The following CLDN10 variants were observed in gnomAD, a reference collection of about 807,000 sequenced individuals.
The protein encoded by CLDN10 is claudin-10.
A neutral mutation model predicts 22.9 loss-of-function variants in CLDN10; 15 were observed. That is an observed-to-expected ratio of 0.65 (90% CI 0.44 to 1.01). The LOEUF is 1.01. Ranked by LOEUF, CLDN10 falls within the 50% of genes least tolerant of loss-of-function variation. The probability of loss-of-function intolerance (pLI) is 0.00; values close to 1 mark genes in which losing one functional copy is unlikely to be tolerated. For missense variants in CLDN10, 247 were observed against 287.8 expected, an observed-to-expected ratio of 0.86 and a Z score of 1.03; for synonymous variants, 114 against 111.4, an observed-to-expected ratio of 1.02 and a Z score of -0.15.
Position 95,552,957 on chromosome 13 carries a change from C to CAAGG in CLDN10, c.205_206insAGGA (p.Met69LysfsTer13), listed in dbSNP as rs1453085067. 6.2e-7 allele frequency: 1 copy of CAAGG among 1,614,000 alleles called. No individual in the cohort carries two copies. ...TCTCCAACTGCAAGGACTTCCCCTC[C>CAAGG]ATGCTGGCGCTGGACGGTCTGCATC... On this transcript the variant is annotated frameshift_variant, in exon 1 of 5. Coordinates refer to ENST00000299339, the MANE Select transcript of CLDN10 (RefSeq NM_006984.5). LOFTEE classifies it high-confidence loss of function.
intron 1 of CLDN10, among the ~76,000 whole-genome samples, chr13:95,464,210 G>T (rs183930173): frequency 1.3e-5 from 2 of 151,798 alleles, no homozygotes; most frequent in East Asian, 3.9e-4. Flanking sequence ...CCATTAACTC[G>T]TCATTTACAT....
At chr13:95,534,711 A>T (rs186175960) in intron 1 of CLDN10, among the ~76,000 whole-genome samples, 12 of 152,266 alleles carry the variant, frequency 7.9e-5, no homozygotes, top group Non-Finnish European at 1.3e-4. Context: ...TGGATCATTT[A>T]AAAAAAGGGG....
intron 1 of CLDN10, among the ~76,000 whole-genome samples, chr13:95,510,967 G>A (rs1366231626): frequency 3.3e-5 from 5 of 152,048 alleles, no homozygotes; most frequent in Admixed American, 1.3e-4. Context: ...TCAGGGTGTT[G>A]GAAACGCTCT....
intron 1 of CLDN10, among the ~76,000 whole-genome samples, chr13:95,454,936 C>T (rs1248258813): frequency 1.3e-5 from 2 of 152,184 alleles, no homozygotes; most frequent in Non-Finnish European, 2.9e-5. Flanking sequence ...CCTACAATCC[C>T]AGCACTTTGG....
intron 1 of CLDN10, among the ~76,000 whole-genome samples, chr13:95,472,394 G>A (rs1296694521): frequency 6.6e-6 from 1 of 152,088 alleles, no homozygotes; most frequent in Non-Finnish European, 1.5e-5. Flanking sequence ...AAAATATAGT[G>A]CGATAGGCCA....
intron 3 of CLDN10, 41 bp from the exon 4 acceptor site, chr13:95,577,190 A>C: frequency 1.5e-6 from 2 of 1,364,704 alleles, no homozygotes; most frequent in Non-Finnish European, 2.1e-6. Context: ...TTTACTCTCC[A>C]AATAAGTGAG....
intron 1 of CLDN10, among the ~76,000 whole-genome samples, chr13:95,507,709 T>C (rs2043053083): frequency 6.6e-6 from 1 of 151,980 alleles, no homozygotes; most frequent in African/African-American, 2.4e-5. Context: ...CCACAACCTC[T>C]GCCTCCTGGG....
Position 95,578,025 on chromosome 13 carries a change from T to TCGCG in CLDN10, c.*11_*12insCGCG, listed in dbSNP as rs1566348967. The TCGCG allele has an allele frequency of 7.9e-6, 12 of 1,513,450 alleles. No individual in the cohort carries two copies. Among genetic ancestry groups the TCGCG allele is most frequent in the Non-Finnish European group, 1.0e-5 (11 of 1,092,004 alleles). 93.8% of individuals were successfully genotyped at this position (1,513,450 alleles called of 1,614,324 possible). A position where few individuals can be genotyped will look rare whatever the true frequency, so the allele number is the denominator to read the frequency against. On this transcript the variant is annotated 3_prime_UTR_variant, in exon 5 of 5. Transcript: ENST00000299339. ...AATGCTTATGTCTAAAAGAGCTCGC[T>TCGCG]GGCAAGCTGCCTCTTGAGTTTGTTA...
At chr13:95,448,718 A>G (rs559925505) in intron 1 of CLDN10, among the ~76,000 whole-genome samples, 190 of 80,356 alleles carry the variant, frequency 2.4e-3, no homozygotes, top group African/African-American at 7.9e-3. Context: ...ACTAAGCCAT[A>G]GTATTTTATT....
At chr13:95,568,705 T>G (rs1259848176) in intron 3 of CLDN10, among the ~76,000 whole-genome samples, 1 of 152,182 alleles carries the variant, frequency 6.6e-6, no homozygotes, top group Non-Finnish European at 1.5e-5. Context: ...GTTACTCACT[T>G]TGGAATCTCT....
intron 1 of CLDN10, among the ~76,000 whole-genome samples, chr13:95,447,129 T>A (rs1028499580): frequency 6.6e-6 from 1 of 152,234 alleles, no homozygotes; most frequent in African/African-American, 2.4e-5. Flanking sequence ...ACTGGGAGGC[T>A]GATTTTCTCC....
At chr13:95,442,502 C>T (rs911404731) in intron 1 of CLDN10, among the ~76,000 whole-genome samples, 3 of 152,164 alleles carry the variant, frequency 2.0e-5, no homozygotes, top group Admixed American at 6.6e-5. Flanking sequence ...GCAAGACCAC[C>T]TTGCATTTCG....
Position 95,466,281 on chromosome 13 carries a change from ATGT to A in CLDN10, c.214+32241_214+32243del, listed in dbSNP as rs375856408. Among the ~76,000 whole-genome samples the A allele has an allele frequency of 3.5e-3, 534 of 150,996 alleles. 1 individual carries two copies. Among genetic ancestry groups the A allele is most frequent in the African/African-American group, 0.012 (484 of 41,134 alleles). On this transcript the variant is annotated intron_variant, in intron 1 of 4. Coordinates refer to the CLDN10 transcript ENST00000376873. ...GTTTTCTTTTTCTTTCTTTTTTTTG[ATGT>A]TGTTGTCTGCTTTTGGTGTTGGGGT...
At chr13:95,496,593 T>G (rs1056827763) in intron 1 of CLDN10, among the ~76,000 whole-genome samples, 1 of 152,190 alleles carries the variant, frequency 6.6e-6, no homozygotes, top group Non-Finnish European at 1.5e-5. Context: ...GCCGGCAGAT[T>G]GAGTTCCTGG....
At chr13:95,446,839 C>G (rs949280810) in intron 1 of CLDN10, among the ~76,000 whole-genome samples, 1 of 150,606 alleles carries the variant, frequency 6.6e-6, no homozygotes, top group Non-Finnish European at 1.5e-5. Flanking sequence ...GAGACTCTGT[C>G]TCAAAAAAAA....
At chr13:95,549,127 C>T (rs751213880), upstream of CLDN10, among the ~76,000 whole-genome samples, 39 of 152,120 alleles carry the variant, frequency 2.6e-4, no homozygotes, top group African/African-American at 9.2e-4. Context: ...TGTATGTCTT[C>T]GGGTCAAATT....
At chr13:95,514,535 A>G (rs975374440) in intron 1 of CLDN10, among the ~76,000 whole-genome samples, 1 of 152,082 alleles carries the variant, frequency 6.6e-6, no homozygotes, top group African/African-American at 2.4e-5. Context: ...ACAGACCCCA[A>G]GGTTTGAGAA....
rs544613459 is a variant in CLDN10 at position 95,482,043 on chromosome 13, C to T, written c.214+47996C>T. ...CAAAAAAGTAAAAACTCAATCATAA[C>T]GTAACTTAATTGTACATGTAAAAAT... On this transcript the variant is annotated intron_variant, in intron 1 of 4. Transcript: ENST00000376873. Among the ~76,000 whole-genome samples the T allele has an allele frequency of 2.6e-5, 4 of 152,120 alleles. No homozygotes were observed. The East Asian group carries it at 5.8e-4, about 22-fold the overall frequency.
chr13:95,578,689 T>C lies in CLDN10; in HGVS notation c.*675T>C, dbSNP rs970991974. On this transcript the variant is annotated 3_prime_UTR_variant, in exon 5 of 5. Coordinates refer to ENST00000299339, the MANE Select transcript of CLDN10 (RefSeq NM_006984.5). ...AAGCCACACCATTCTCTTTGATGTA[T>C]GCAGAGAGTTACGTAGCAGGGGATG... 2 of 152,232 alleles carry C rather than the reference T, an allele frequency of 1.3e-5. No individual in the cohort carries two copies. Among genetic ancestry groups the C allele is most frequent in the African/African-American group, 4.8e-5 (2 of 41,462 alleles). The allele number at this position is 152,232 out of a possible 1,614,324, so 9.4% of individuals were successfully genotyped here. A position where few individuals can be genotyped will look rare whatever the true frequency, so the allele number is the denominator to read the frequency against.
Sources: gnomAD v4.1 joint callset for allele counts (sites outside exome capture counted in the v4.1 genomes callset) on GRCh38, gnomAD v4.1.1 for gene constraint, MANE v1.5 for transcripts, NCBI Gene and HGNC (gene_info 2026-07-23, HGNC 2026-07-21) for gene names.